Variants in SLC25A3 observed in about 807,000 individuals in gnomAD.
The protein encoded by SLC25A3 is solute carrier family 25 member 3.
Under a neutral mutation model 37.1 loss-of-function variants are expected in SLC25A3, and 14 were observed. That is an observed-to-expected ratio of 0.38 (90% CI 0.25 to 0.59). SLC25A3 has a LOEUF of 0.59. Ranked by LOEUF, SLC25A3 falls within the 20% of genes least tolerant of loss-of-function variation. The probability of loss-of-function intolerance (pLI) is 0.67; values close to 1 mark genes in which losing one functional copy is unlikely to be tolerated. For missense variants in SLC25A3, 385 were observed against 458.1 expected (o/e 0.84, Z 1.46); for synonymous variants, 161 against 168.7 (o/e 0.95, Z 0.36).
chr12:98,597,685 A>T, intron 3 of SLC25A3, 171 bp from the exon 4 acceptor site: 2 of 866,452 alleles, frequency 2.3e-6, no homozygotes, highest in East Asian at 2.8e-5. Context: ...CAGCCTCCCA[A>T]AGTGCTGGGA....
Position 98,598,028 on chromosome 12 carries a change from T to C in SLC25A3, c.452T>C (p.Leu151Pro), listed in dbSNP as rs749246798. ...TTTAAAGTCTTGTATAGCAATATGCTTGGAGAGGTATGTAATTAACTTTAA... is the reference window on the plus strand; with the variant it reads ...TTTAAAGTCTTGTATAGCAATATGCCTGGAGAGGTATGTAATTAACTTTAA... ...EVFKVLYSNMLGEENTYLWRT... is the reference protein window; with the variant it reads ...EVFKVLYSNMPGEENTYLWRT... Residue 151 changes from leucine (L) to proline (P), a missense_variant, in exon 4 of 8, where the codon CTT (leucine) becomes CCT (proline). By Grantham distance (98) the Leu-to-Pro change is moderately conservative (BLOSUM62 -3). Transcript: ENST00000552981. 4 of 1,613,322 alleles carry C rather than the reference T, an allele frequency of 2.5e-6. No homozygotes were observed.
In SLC25A3 at chr12:98,601,552, G is replaced by A; in HGVS notation, c.*24G>A. The A allele has an allele frequency of 6.9e-7, 1 of 1,441,178 alleles. No homozygotes were observed. The highest frequency in any genetic ancestry group is 9.8e-7 in the Non-Finnish European group (1 of 1,022,336). The allele number at this position is 1,441,178 out of a possible 1,614,324, so 89.3% of individuals were successfully genotyped here. ...AGTTAGATCAAAGCAAATGTGGACTGAATCTGCTTGTTGATCAGTGTTGAA... is the reference window on the plus strand; with the variant it reads ...AGTTAGATCAAAGCAAATGTGGACTAAATCTGCTTGTTGATCAGTGTTGAA... On this transcript the variant is annotated 3_prime_UTR_variant, in exon 8 of 8. Transcript: ENST00000552981.
rs1254767378 is a variant in SLC25A3, at chr12:98,602,594, AG to A, written c.*1068del. The A allele has an allele frequency of 5.9e-5, 9 of 152,218 alleles. No homozygotes were observed. Among genetic ancestry groups the A allele is most frequent in the Admixed American group, 2.6e-4 (4 of 15,274 alleles). The allele number at this position is 152,218 out of a possible 1,614,324, so 9.4% of individuals were successfully genotyped here. On this transcript the variant is annotated 3_prime_UTR_variant, in exon 8 of 8. Coordinates refer to ENST00000552981, the MANE Select transcript of SLC25A3 (RefSeq NM_002635.4). ...ATACTTAGATACGAGATTGGATTGT[AG>A]GTTTAAGCCCATTTTTAAAGAGCTC...
chr12:98,597,885 T>G lies in SLC25A3; in HGVS notation c.309T>G (p.Phe103Leu). Residue 103 changes from phenylalanine to leucine, a missense_variant, in exon 4 of 8, where the codon TTT becomes TTG. Physicochemically the swap from Phe to Leu is conservative, Grantham distance 22 (BLOSUM62 0). Transcript: ENST00000552981. ...QVDPQKYKGI[F>L]NGFSVTLKED... The stretch of plus-strand genomic sequence containing the variant: ...ACCCCCAAAAGTACAAGGGCATATT[T>G]AACGGATTCTCAGTTACACTTAAAG... The G allele has an allele frequency of 6.2e-7, 1 of 1,614,168 alleles. No homozygotes were observed. Among genetic ancestry groups the G allele is most frequent in the African/African-American group, 1.3e-5 (1 of 75,052 alleles).
chr12:98,594,385 G>A (rs1444008985), intron 2 of SLC25A3: 3 of 700,220 alleles, frequency 4.3e-6, no homozygotes, highest in African/African-American at 3.5e-5. Context: ...GTGCCCGAGG[G>A]AAGAGAGGCC....
At chr12:98,598,128 G>T in intron 4 of SLC25A3, 93 bp downstream of exon 4, 1 of 1,257,948 alleles carries the variant, frequency 7.9e-7, no homozygotes. Context: ...TTTTAGCACT[G>T]AAGAAAATGG....
At chr12:98,600,960 A>G (rs1417888618) in intron 6 of SLC25A3, 10 of 502,996 alleles carry the variant, frequency 2.0e-5, no homozygotes, top group Admixed American at 3.4e-5. Context: ...AGAATTTTAT[A>G]CAGAAAGTGT....
At chr12:98,600,691 C>T (rs951776993) in intron 6 of SLC25A3, among the ~76,000 whole-genome samples, 16 of 152,156 alleles carry the variant, frequency 1.1e-4, no homozygotes, top group Non-Finnish European at 4.4e-5. Flanking sequence ...GGATTACAGG[C>T]GTGAGCCACC....
chr12:98,595,552 A>G, intron 2 of SLC25A3, 175 bp from the exon 3 acceptor site: 1 of 1,614,216 alleles, frequency 6.2e-7, no homozygotes, highest in Non-Finnish European at 8.5e-7. Flanking sequence ...TAAATGCAGA[A>G]TGCAGGTTTG....
intron 5 of SLC25A3, 178 bp from the exon 6 acceptor site, chr12:98,599,777 G>T: frequency 1.3e-6 from 1 of 797,282 alleles, no homozygotes; most frequent in Non-Finnish European, 2.2e-6. Flanking sequence ...TGAGTCATTG[G>T]CATGTAAGAG....
Position 98,598,643 on chromosome 12 carries a change from G to C in SLC25A3, c.581G>C (p.Gly194Ala). The stretch of plus-strand genomic sequence containing the variant: ...AAGGTTCGAATTCAAACCCAGCCAG[G>C]TTATGCCAACACTTTGAGGGATGCA... ...AAKVRIQTQP[G>A]YANTLRDAAP... Residue 194 changes from glycine (G) to alanine (A), a missense_variant, in exon 5 of 8, where the codon GGT becomes GCT. By Grantham distance (60) the Gly-to-Ala change is moderately conservative (BLOSUM62 0). Coordinates refer to ENST00000552981, the MANE Select transcript of SLC25A3 (RefSeq NM_002635.4). 6.2e-7 allele frequency: 1 copy of C among 1,614,136 alleles called. No homozygotes were observed. The highest frequency in any genetic ancestry group is 8.5e-7 in the Non-Finnish European group (1 of 1,180,016).
chr12:98,597,742 T>A (rs1012382199), intron 3 of SLC25A3, 114 bp from the exon 4 acceptor site: 5 of 1,455,254 alleles, frequency 3.4e-6, no homozygotes, highest in East Asian at 2.4e-5. Flanking sequence ...TGTAGTTACC[T>A]TTTGTGTAGT....
At chr12:98,594,624 T>A in intron 2 of SLC25A3, 1 of 479,488 alleles carries the variant, frequency 2.1e-6, no homozygotes, top group Non-Finnish European at 3.8e-6. Context: ...ATGTCCTGTT[T>A]TCGTGCGACT....
At chr12:98,600,378 G>A (rs1230643707) in intron 6 of SLC25A3, among the ~76,000 whole-genome samples, 3 of 151,618 alleles carry the variant, frequency 2.0e-5, no homozygotes, top group African/African-American at 4.8e-5. Flanking sequence ...GCTGGGACGG[G>A]CATGCACCGC....
At chr12:98,595,330 C>A in intron 2 of SLC25A3, 1 of 1,263,290 alleles carries the variant, frequency 7.9e-7, no homozygotes, top group Non-Finnish European at 1.1e-6. Context: ...AGCTATTCAG[C>A]TGTGATAATA....
intron 3 of SLC25A3, among the ~76,000 whole-genome samples, chr12:98,596,960 A>G (rs1305890516): frequency 1.3e-5 from 2 of 152,194 alleles, no homozygotes; most frequent in African/African-American, 4.8e-5. Flanking sequence ...TGGAGGTTGC[A>G]GTGAGCTGAG....
Position 98,596,178 on chromosome 12 carries a change from T to C in SLC25A3, c.279+330T>C, listed in dbSNP as rs191677618. Among the ~76,000 whole-genome samples the C allele has an allele frequency of 2.2e-4, 33 of 152,316 alleles. No individual in the cohort carries two copies. The East Asian group carries it at 5.8e-3, about 27-fold the overall frequency. On this transcript the variant is annotated intron_variant, in intron 3 of 7. Coordinates refer to ENST00000552981, the MANE Select transcript of SLC25A3 (RefSeq NM_002635.4). ...GTGTTGGAGTGGGTAAACAAGTCTG[T>C]GTATTATGTGAAGTAACAATGTCCT...
At chr12:98,599,142 A>G (rs1165673907) in intron 5 of SLC25A3, among the ~76,000 whole-genome samples, 2 of 150,052 alleles carry the variant, frequency 1.3e-5, no homozygotes, top group Non-Finnish European at 1.5e-5. Context: ...GCTCACTGCA[A>G]CCTCCGCCTC....
Position 98,593,752 on chromosome 12 carries a change from C to A in SLC25A3, c.-5+12C>A. 1 of 607,208 alleles carries A rather than the reference C, an allele frequency of 1.6e-6. No individual in the cohort carries two copies. The highest frequency in any genetic ancestry group is 1.9e-5 in the South Asian group (1 of 51,386). The allele number at this position is 607,208 out of a possible 1,614,324, so 37.6% of individuals were successfully genotyped here. A position where few individuals can be genotyped will look rare whatever the true frequency, so the allele number is the denominator to read the frequency against. ...CGCCATCTTAGGGAGTGAGTGTGGCCGGGCCTTCTCCTGTGGCGGGTGTGG... is the reference window on the plus strand; with the variant it reads ...CGCCATCTTAGGGAGTGAGTGTGGCAGGGCCTTCTCCTGTGGCGGGTGTGG... On this transcript the variant is annotated intron_variant, in intron 1 of 7. Coordinates refer to ENST00000552981, the MANE Select transcript of SLC25A3 (RefSeq NM_002635.4).
Sources: gnomAD v4.1 joint callset for allele counts (sites outside exome capture counted in the v4.1 genomes callset) on GRCh38, gnomAD v4.1.1 for gene constraint, MANE v1.5 for transcripts, NCBI Gene and HGNC (gene_info 2026-07-23, HGNC 2026-07-21) for gene names.